RBFOX1: variants seen among roughly 807,000 people sequenced by gnomAD.
The protein encoded by RBFOX1 is RNA binding fox-1 homolog 1.
In RBFOX1, 8 loss-of-function variants were observed where a neutral mutation model predicts 57.7. The observed-to-expected ratio is 0.14, with a 90% confidence interval of 0.08 to 0.25. The LOEUF is 0.25. Ranked by LOEUF, RBFOX1 falls within the 10% of genes least tolerant of loss-of-function variation. The pLI is 1.00. For synonymous variants in RBFOX1, 326 were observed against 222.4 expected (o/e 1.47, Z -4.15); for missense variants, 611 against 548.5 (o/e 1.11, Z -1.14).
intron 3 of RBFOX1, among the ~76,000 whole-genome samples, chr16:6,838,885 A>G (rs932317291): frequency 2.6e-5 from 4 of 152,200 alleles, no homozygotes; most frequent in African/African-American, 7.2e-5. Flanking sequence ...CACCCACAGA[A>G]AAAGGATTCT....
chr16:5,293,050 G>A (rs1259562702), intron 1 of RBFOX1, among the ~76,000 whole-genome samples: 1 of 152,148 alleles, frequency 6.6e-6, no homozygotes, highest in Non-Finnish European at 1.5e-5. Flanking sequence ...GCTGGGCACT[G>A]TGGCTCATGC....
intron 2 of RBFOX1, among the ~76,000 whole-genome samples, chr16:6,592,946 A>T (rs1002731007): frequency 1.1e-4 from 16 of 152,116 alleles, no homozygotes; most frequent in Non-Finnish European, 1.9e-4. Context: ...TAATCCCAGC[A>T]CCTTGGGAGG....
In RBFOX1 at chr16:7,196,505, T is replaced by A. The variant is rs1364189759; in HGVS notation, c.27+144407T>A. Among the ~76,000 whole-genome samples, 5 of 152,352 alleles carry A rather than the reference T, an allele frequency of 3.3e-5. No homozygotes were observed. In the East Asian group the frequency reaches 5.8e-4, roughly 18 times the overall value. ...GCTTCCCAAACATTTAAGAGGCGTC[T>A]ACAATGTGCAGGTTAGTGCAACCGG... On this transcript the variant is annotated intron_variant, in intron 4 of 15. Transcript: ENST00000550418.
intron 1 of RBFOX1, among the ~76,000 whole-genome samples, chr16:5,241,711 G>A (rs1230124366): frequency 2.0e-5 from 3 of 152,226 alleles, no homozygotes; most frequent in African/African-American, 7.2e-5. Context: ...CGTTGTGCCT[G>A]GCACATAGTG....
chr16:7,631,288 A>G (rs990700059), intron 11 of RBFOX1, among the ~76,000 whole-genome samples: 2 of 152,232 alleles, frequency 1.3e-5, no homozygotes, highest in African/African-American at 4.8e-5. Flanking sequence ...TTAAACGTAG[A>G]TAAGTATACC....
chr16:5,786,604 A>G (rs1159485932), intron 3 of RBFOX1, among the ~76,000 whole-genome samples: 1 of 151,984 alleles, frequency 6.6e-6, no homozygotes, highest in Non-Finnish European at 1.5e-5. Flanking sequence ...AGACCTCTGC[A>G]CCTGTCTTGG....
intron 1 of RBFOX1, among the ~76,000 whole-genome samples, chr16:6,060,508 C>G (rs993555602): frequency 6.6e-6 from 1 of 152,144 alleles, no homozygotes; most frequent in Non-Finnish European, 1.5e-5. Context: ...TTTTGGTTGA[C>G]CTTTCACAGA....
chr16:6,646,792 G>C (rs558988307), intron 2 of RBFOX1, among the ~76,000 whole-genome samples: 10 of 152,124 alleles, frequency 6.6e-5, no homozygotes, highest in Non-Finnish European at 1.3e-4. Context: ...TTGCTTAGCA[G>C]ACAAATTCAA....
intron 3 of RBFOX1, among the ~76,000 whole-genome samples, chr16:6,942,521 G>C (rs951996474): frequency 1.3e-5 from 2 of 152,134 alleles, no homozygotes; most frequent in Non-Finnish European, 1.5e-5. Context: ...TTCCTAGTGA[G>C]ACTATCAGTT....
intron 2 of RBFOX1, among the ~76,000 whole-genome samples, chr16:6,636,784 A>T (rs1246062839): frequency 3.6e-3 from 46 of 12,792 alleles, no homozygotes; most frequent in African/African-American, 7.8e-3. Context: ...AATATATATA[A>T]TATATAATAT....
chr16:6,672,844 A>G (rs1457602870), intron 3 of RBFOX1, among the ~76,000 whole-genome samples: 2 of 152,078 alleles, frequency 1.3e-5, no homozygotes, highest in African/African-American at 4.8e-5. Context: ...TCTTAGGTGG[A>G]CCTATCTCTG....
chr16:7,344,101 CTTTTTTTTTTTT>C (rs61008217), intron 4 of RBFOX1, among the ~76,000 whole-genome samples: 3,006 of 90,734 alleles, frequency 0.033, 141 homozygotes, highest in African/African-American at 0.12. Context: ...CTCAGCTTTA[CTTTTTTTTTTTT>C]TTTTTTTTTT....
intron 4 of RBFOX1, among the ~76,000 whole-genome samples, chr16:7,462,146 C>A (rs1049674007): frequency 6.6e-6 from 1 of 152,188 alleles, no homozygotes; most frequent in African/African-American, 2.4e-5. Flanking sequence ...TTGTGGAGGG[C>A]TCCTGCCCAG....
At chr16:6,391,533 A>C (rs75600286) in intron 2 of RBFOX1, among the ~76,000 whole-genome samples, 7 of 151,814 alleles carry the variant, frequency 4.6e-5, no homozygotes, top group Non-Finnish European at 8.8e-5. Flanking sequence ...AAGAAAAAAA[A>C]GTATCATGAT....
intron 2 of RBFOX1, among the ~76,000 whole-genome samples, chr16:5,529,394 T>C (rs1427660669): frequency 1.7e-5 from 1 of 58,658 alleles, no homozygotes; most frequent in Admixed American, 1.8e-4. Context: ...AGTGTCTTTT[T>C]TTTTTTTTTT....
Position 5,317,222 on chromosome 16 carries a change from G to A in RBFOX1, c.219+77117G>A, listed in dbSNP as rs551662256. Among the ~76,000 whole-genome samples, 11 of 151,702 alleles carry A rather than the reference G, an allele frequency of 7.3e-5. No homozygotes were observed. The East Asian group carries it at 1.9e-3, about 27-fold the overall frequency. On this transcript the variant is annotated intron_variant, in intron 1 of 2. Transcript: ENST00000585867. Reference sequence around the variant, plus strand: ...CTCTCTCTCTCTCTCTCAATCTCTCGATATATGTATGTGTATTTTCTATTG... The same window carrying A: ...CTCTCTCTCTCTCTCTCAATCTCTCAATATATGTATGTGTATTTTCTATTG...
intron 4 of RBFOX1, among the ~76,000 whole-genome samples, chr16:5,996,121 C>T (rs1422586153): frequency 6.6e-6 from 1 of 152,140 alleles, no homozygotes; most frequent in Non-Finnish European, 1.5e-5. Flanking sequence ...CTCCTAACAC[C>T]ATCAACTTTG....
intron 1 of RBFOX1, among the ~76,000 whole-genome samples, chr16:5,325,468 C>T (rs944760479): frequency 2.6e-5 from 4 of 152,034 alleles, no homozygotes; most frequent in Admixed American, 6.6e-5. Flanking sequence ...GTAAAATTGC[C>T]GTTTTTTGGA....
chr16:7,614,355 C>G (rs1243639834), intron 10 of RBFOX1: 1 of 152,122 alleles, frequency 6.6e-6, no homozygotes, highest in Non-Finnish European at 1.5e-5. Context: ...CCTCTCCTCC[C>G]CTCTTCTGTC....
Sources: allele counts gnomAD v4.1 joint callset (sites outside exome capture counted in the v4.1 genomes callset), GRCh38; gene constraint gnomAD v4.1.1; transcripts MANE v1.5; gene names NCBI Gene and HGNC (gene_info 2026-07-23, HGNC 2026-07-21).